The following RAB3IP variants were observed in gnomAD, a reference collection of about 807,000 sequenced individuals.
RAB3IP encodes rab-3A-interacting protein.
RAB3IP carries 36 observed loss-of-function variants against 59.1 expected under a neutral mutation model. The ratio of observed to expected loss-of-function variants is 0.61; its 90% CI spans 0.47 to 0.80. The LOEUF is 0.80. Among genes scored for constraint, RAB3IP ranks in the 30% least tolerant of loss-of-function variants. The probability of loss-of-function intolerance (pLI) is 0.00; values close to 1 mark genes in which losing one functional copy is unlikely to be tolerated. For synonymous variants in RAB3IP, 207 were observed against 191.2 expected, an observed-to-expected ratio of 1.08 and a Z score of -0.68; for missense variants, 511 against 536.0, an observed-to-expected ratio of 0.95 and a Z score of 0.46.
rs1462235906 is a variant in RAB3IP, at chr12:69,801,586, A to G, written c.1018-23A>G. 10 of 1,464,322 alleles carry G rather than the reference A, an allele frequency of 6.8e-6. No individual in the cohort carries two copies. In the African/African-American group the frequency reaches 1.3e-4, roughly 18 times the overall value. 90.7% of individuals were successfully genotyped at this position (1,464,322 alleles called of 1,614,324 possible). On this transcript the variant is annotated intron_variant, in intron 7 of 10. Coordinates refer to ENST00000247833, the MANE Select transcript of RAB3IP (RefSeq NM_022456.5). ...ATATTTTTCTGCCAGTATAGCATCT[A>G]GTACTTTTTCTTTTTTTTTAAGTTG...
chr12:69,750,906 C>G (rs1464275456), intron 1 of RAB3IP, among the ~76,000 whole-genome samples: 1 of 151,936 alleles, frequency 6.6e-6, no homozygotes, highest in Non-Finnish European at 1.5e-5. Flanking sequence ...AACCTTTTAC[C>G]TTATGGTTTT....
At chr12:69,761,433 C>A (rs1871294342) in intron 3 of RAB3IP, among the ~76,000 whole-genome samples, 1 of 152,022 alleles carries the variant, frequency 6.6e-6, no homozygotes, top group Non-Finnish European at 1.5e-5. Flanking sequence ...AATTGTTGAT[C>A]CATATATTTT....
chr12:69,790,833 C>T (rs1037038273), intron 4 of RAB3IP, among the ~76,000 whole-genome samples: 6 of 152,220 alleles, frequency 3.9e-5, no homozygotes, highest in African/African-American at 1.2e-4. Flanking sequence ...ATCTACCTGC[C>T]TCAGCCTCCC....
rs572869007 is a variant in RAB3IP, at chr12:69,801,734, G to T, written c.1130+13G>T. On this transcript the variant is annotated intron_variant, in intron 8 of 10. Coordinates refer to ENST00000247833, the MANE Select transcript of RAB3IP (RefSeq NM_022456.5). ...GCGGAGGACCAAAGTAGGTTTTTAC[G>T]TGCATGAACTGTGAAAGTGACTGAG... 1.3e-6 allele frequency: 2 copies of T among 1,494,862 alleles called. No individual in the cohort carries two copies. The highest frequency in any genetic ancestry group is 2.8e-5 in the African/African-American group (2 of 72,316). 92.6% of individuals were successfully genotyped at this position (1,494,862 alleles called of 1,614,324 possible). A position where few individuals can be genotyped will look rare whatever the true frequency, so the allele number is the denominator to read the frequency against.
At chr12:69,794,343 AG>A in intron 4 of RAB3IP, 93 bp from the exon 5 acceptor site, 1 of 944,618 alleles carries the variant, frequency 1.1e-6, no homozygotes, top group Non-Finnish European at 1.7e-6. Flanking sequence ...AACTTTTGGT[AG>A]TATATCTTTG....
intron 3 of RAB3IP, among the ~76,000 whole-genome samples, chr12:69,783,344 A>G (rs1045781430): frequency 2.6e-5 from 4 of 152,050 alleles, no homozygotes; most frequent in Non-Finnish European, 4.4e-5. Context: ...CCATCATAGG[A>G]TACTTATTTT....
At chr12:69,738,647 T>A (rs1052701869), upstream of RAB3IP, 4 of 151,850 alleles carry the variant, frequency 2.6e-5, no homozygotes, top group Admixed American at 2.0e-4. Context: ...CGGCTCGCGC[T>A]GGTTCCCAGG....
At chr12:69,784,399 A>G (rs147666695) in intron 3 of RAB3IP, among the ~76,000 whole-genome samples, 206 of 151,140 alleles carry the variant, frequency 1.4e-3, no homozygotes, top group Non-Finnish European at 1.9e-3. Flanking sequence ...GCAAAAAGTT[A>G]AAGGAAAAAA....
chr12:69,820,924 A>G lies in RAB3IP; in HGVS notation c.*5478A>G, dbSNP rs1377552643. 1 of 151,838 alleles carries G rather than the reference A, an allele frequency of 6.6e-6. No individual in the cohort carries two copies. Among genetic ancestry groups the G allele is most frequent in the Non-Finnish European group, 1.5e-5 (1 of 68,002 alleles). The allele number at this position is 151,838 out of a possible 1,614,324, so 9.4% of individuals were successfully genotyped here. Reference sequence around the variant, plus strand: ...TTTTCATAGTGGTAGTTGTTAACAGAGAAATAACAATGAAAGCTTTAAAAA... The same window carrying G: ...TTTTCATAGTGGTAGTTGTTAACAGGGAAATAACAATGAAAGCTTTAAAAA... On this transcript the variant is annotated 3_prime_UTR_variant, in exon 11 of 11. Coordinates refer to ENST00000247833, the MANE Select transcript of RAB3IP (RefSeq NM_022456.5).
At chr12:69,805,850 C>T (rs1272851521) in intron 8 of RAB3IP, among the ~76,000 whole-genome samples, 1 of 152,182 alleles carries the variant, frequency 6.6e-6, no homozygotes, top group Non-Finnish European at 1.5e-5. Context: ...ATGAAGCCCA[C>T]TTGATCATGG....
chr12:69,802,486 T>A (rs1878552683), intron 8 of RAB3IP, among the ~76,000 whole-genome samples: 1 of 152,232 alleles, frequency 6.6e-6, no homozygotes, highest in South Asian at 2.1e-4. Context: ...CCAACAGTGC[T>A]TAAAACATCT....
chr12:69,759,508 C>G (rs1265041076), intron 3 of RAB3IP, among the ~76,000 whole-genome samples: 2 of 152,070 alleles, frequency 1.3e-5, no homozygotes, highest in African/African-American at 4.8e-5. Context: ...GTACACCTCC[C>G]AGACGGGGTG....
chr12:69,823,116 G>A lies in RAB3IP; in HGVS notation c.*7670G>A, dbSNP rs921885863. ...CTGATCTGATCACTACACATTATAT[G>A]TATGGAAATATCATTGTGTACCCCA... On this transcript the variant is annotated 3_prime_UTR_variant, in exon 11 of 11. Coordinates refer to ENST00000247833, the MANE Select transcript of RAB3IP (RefSeq NM_022456.5). 1.3e-5 allele frequency: 2 copies of A among 152,092 alleles called. No homozygotes were observed. The highest frequency in any genetic ancestry group is 4.8e-5 in the African/African-American group (2 of 41,402). 9.4% of individuals were successfully genotyped at this position (152,092 alleles called of 1,614,324 possible).
Position 69,773,545 on chromosome 12 carries a change from A to G in RAB3IP, c.511-11175A>G, listed in dbSNP as rs1378313677. On this transcript the variant is annotated intron_variant, in intron 3 of 10. Coordinates refer to ENST00000247833, the MANE Select transcript of RAB3IP (RefSeq NM_022456.5). ...CATCTAGCATTAGGTATATCTCCCAATGCTATCCCTTCCCCCTCCCCCGAC... is the reference window on the plus strand; with the variant it reads ...CATCTAGCATTAGGTATATCTCCCAGTGCTATCCCTTCCCCCTCCCCCGAC... Among the ~76,000 whole-genome samples, 380 of 132,686 alleles carry G rather than the reference A, an allele frequency of 2.9e-3. 2 individuals carry two copies. The highest frequency in any genetic ancestry group is 0.01 in the African/African-American group (355 of 35,414). The allele number at this position is 132,686 out of a possible 152,430, so 87.0% of individuals were successfully genotyped here. A position where few individuals can be genotyped will look rare whatever the true frequency, so the allele number is the denominator to read the frequency against.
Position 69,820,569 on chromosome 12 carries a change from A to C in RAB3IP, c.*5123A>C, listed in dbSNP as rs1881605015. On this transcript the variant is annotated 3_prime_UTR_variant, in exon 11 of 11. Coordinates refer to ENST00000247833, the MANE Select transcript of RAB3IP (RefSeq NM_022456.5). ...TTGCACTTAGAAAAAAAAAAAAAAAAAAAAACTGGCCAGGTGCGATGGCTC... is the reference window on the plus strand; with the variant it reads ...TTGCACTTAGAAAAAAAAAAAAAAACAAAAACTGGCCAGGTGCGATGGCTC... 6.6e-6 allele frequency: 1 copy of C among 151,770 alleles called. No homozygotes were observed. The highest frequency in any genetic ancestry group is 2.4e-5 in the African/African-American group (1 of 41,232). 9.4% of individuals were successfully genotyped at this position (151,770 alleles called of 1,614,324 possible). A position where few individuals can be genotyped will look rare whatever the true frequency, so the allele number is the denominator to read the frequency against.
intron 1 of RAB3IP, among the ~76,000 whole-genome samples, chr12:69,749,509 A>G (rs1281237533): frequency 6.6e-6 from 1 of 152,206 alleles, no homozygotes; most frequent in Non-Finnish European, 1.5e-5. Flanking sequence ...GGGAGAACCT[A>G]GGCTCAGATT....
At chr12:69,768,083 G>A (rs149941995) in intron 3 of RAB3IP, among the ~76,000 whole-genome samples, 316 of 152,292 alleles carry the variant, frequency 2.1e-3, no homozygotes, top group African/African-American at 7.5e-3. Context: ...CAGCAAGCTG[G>A]TTCCCTGAAT....
rs144593707 is a variant in RAB3IP at position 69,789,960 on chromosome 12, A to G, written c.607-4477A>G. Among the ~76,000 whole-genome samples, 831 of 152,326 alleles carry G rather than the reference A, an allele frequency of 5.5e-3. 14 individuals carry two copies. Among genetic ancestry groups the G allele is most frequent in the African/African-American group, 0.019 (790 of 41,578 alleles). On this transcript the variant is annotated intron_variant, in intron 4 of 10. Coordinates refer to ENST00000247833, the MANE Select transcript of RAB3IP (RefSeq NM_022456.5). ...CAATAAAGACCATATATGGAAACCC[A>G]TAGCTAACAATCATAATCAGTGGGG...
intron 4 of RAB3IP, among the ~76,000 whole-genome samples, chr12:69,787,204 A>G (rs1270230968): frequency 6.6e-6 from 1 of 152,182 alleles, no homozygotes; most frequent in African/African-American, 2.4e-5. Flanking sequence ...TATACTTTGT[A>G]TGTAGCAAAG....
Sources: gnomAD v4.1 joint callset for allele counts (sites outside exome capture counted in the v4.1 genomes callset) on GRCh38, gnomAD v4.1.1 for gene constraint, MANE v1.5 for transcripts, NCBI Gene and HGNC (gene_info 2026-07-23, HGNC 2026-07-21) for gene names.